Variants in HSD17B4 observed in about 807,000 individuals in gnomAD.
HSD17B4 encodes hydroxysteroid 17-beta dehydrogenase 4.
HSD17B4 carries 70 observed loss-of-function variants against 101.0 expected under a neutral mutation model. The ratio of observed to expected loss-of-function variants is 0.69; its 90% confidence interval spans 0.57 to 0.85. The LOEUF is 0.85. HSD17B4 is among the 40% of genes least tolerant of loss of function. The pLI, the probability that HSD17B4 is intolerant of heterozygous loss-of-function variation, is 0.00. For synonymous variants in HSD17B4, 347 were observed against 297.1 expected, an observed-to-expected ratio of 1.17 and a Z score of -1.73; for missense variants, 984 against 892.4, an observed-to-expected ratio of 1.10 and a Z score of -1.31.
intron 14 of HSD17B4, among the ~76,000 whole-genome samples, chr5:119,502,649 G>T (rs1362508726): frequency 6.6e-6 from 1 of 151,672 alleles, no homozygotes; most frequent in East Asian, 1.9e-4. Context: ...TTTGAATGTT[G>T]TCTAATTATA....
intron 10 of HSD17B4, 123 bp from the exon 11 acceptor site, chr5:119,493,695 T>G: frequency 1.2e-6 from 1 of 862,126 alleles, no homozygotes; most frequent in Non-Finnish European, 1.9e-6. Flanking sequence ...TAAAACTCTT[T>G]AGGAGTTAGA....
At chr5:119,475,756 T>A in intron 5 of HSD17B4, 29 bp downstream of exon 5, 1 of 1,584,832 alleles carries the variant, frequency 6.3e-7, no homozygotes, top group South Asian at 1.1e-5. Context: ...TTTTTAGTGA[T>A]GTGTGTATAA....
chr5:119,458,651 A>G (rs1324135326), intron 2 of HSD17B4, among the ~76,000 whole-genome samples: 1 of 152,134 alleles, frequency 6.6e-6, no homozygotes, highest in East Asian at 1.9e-4. Context: ...GCTAAGCCAA[A>G]AGTTAGGGGC....
At chr5:119,518,316 C>A (rs561194994) in intron 17 of HSD17B4, among the ~76,000 whole-genome samples, 1 of 151,924 alleles carries the variant, frequency 6.6e-6, no homozygotes, top group South Asian at 2.1e-4. Flanking sequence ...AGCGAGACCA[C>A]GAACCCACCA....
chr5:119,493,573 G>A (rs1750310751), intron 10 of HSD17B4: 1 of 445,748 alleles, frequency 2.2e-6, no homozygotes, highest in Admixed American at 3.4e-5. Context: ...TCTACCTTTA[G>A]TACTGTCTGG....
rs188285801 is a variant in HSD17B4 at position 119,538,635 on chromosome 5, C to T, written c.2121+2085C>T. Among the ~76,000 whole-genome samples, 21 of 152,270 alleles carry T rather than the reference C, an allele frequency of 1.4e-4. No homozygotes were observed. In the East Asian group the frequency reaches 3.5e-3, roughly 25 times the overall value. ...CCCTTGCTCCTTTTTCAGGCTTCAT[C>T]CCATGCCACTTGCCCCATCACCTGT... On this transcript the variant is annotated intron_variant, in intron 23 of 23. Transcript: ENST00000510025.
intron 8 of HSD17B4, 70 bp downstream of exon 8, chr5:119,479,091 T>A (rs1748873962): frequency 8.7e-7 from 1 of 1,154,986 alleles, no homozygotes; most frequent in South Asian, 1.3e-5. Flanking sequence ...TTTACAAAAG[T>A]ATTTAATTTT....
At chr5:119,496,727 C>T (rs1750684688) in intron 12 of HSD17B4, 81 bp downstream of exon 12, 2 of 811,052 alleles carry the variant, frequency 2.5e-6, no homozygotes, top group Non-Finnish European at 2.2e-6. Flanking sequence ...TCTTCCTCCC[C>T]TACTTCTTTC....
At chr5:119,503,544 G>A (rs1751380206) in intron 14 of HSD17B4, among the ~76,000 whole-genome samples, 1 of 152,100 alleles carries the variant, frequency 6.6e-6, no homozygotes, top group Non-Finnish European at 1.5e-5. Flanking sequence ...CACGACTACT[G>A]TTTATAATCT....
chr5:119,469,301 C>CT (rs112466766), intron 2 of HSD17B4, among the ~76,000 whole-genome samples: 1,435 of 138,630 alleles, frequency 0.01, 22 homozygotes, highest in South Asian at 0.051. Context: ...TTCCATGTTT[C>CT]TTTTTTTTTT....
At chr5:119,508,204 T>G (rs1182168906) in intron 15 of HSD17B4, among the ~76,000 whole-genome samples, 5 of 150,912 alleles carry the variant, frequency 3.3e-5, no homozygotes, top group Non-Finnish European at 2.9e-5. Context: ...TTTAGTCTTC[T>G]CACCATTGAA....
intron 14 of HSD17B4, among the ~76,000 whole-genome samples, chr5:119,504,206 T>C (rs1489633344): frequency 6.6e-6 from 1 of 152,156 alleles, no homozygotes; most frequent in Non-Finnish European, 1.5e-5. Flanking sequence ...ATTGATTCCA[T>C]GTCTTTGCTA....
rs1225663896 is a variant in HSD17B4 at position 119,530,860 on chromosome 5, AAAACAAAAAAC to A, written c.1855-402_1855-392del. On this transcript the variant is annotated intron_variant, in intron 21 of 23. Coordinates refer to ENST00000510025, the MANE Select transcript of HSD17B4 (RefSeq NM_000414.4). ...AAGTCTGTCTCAAAAAAAAAAAAAA[AAAACAAAAAAC>A]AAAAAAAACCCAAAACTTAAGTTTT... Among the ~76,000 whole-genome samples the A allele has an allele frequency of 2.0e-4, 26 of 131,894 alleles. No homozygotes were observed. The East Asian group carries it at 5.8e-3, about 30-fold the overall frequency. 86.5% of individuals were successfully genotyped at this position (131,894 alleles called of 152,430 possible).
chr5:119,506,905 T>C lies in HSD17B4; in HGVS notation c.1333+16T>C. 7.7e-7 allele frequency: 1 copy of C among 1,295,182 alleles called. No individual in the cohort carries two copies. Among genetic ancestry groups the C allele is most frequent in the Non-Finnish European group, 1.1e-6 (1 of 892,050 alleles). 80.2% of individuals were successfully genotyped at this position (1,295,182 alleles called of 1,614,324 possible). ...ATTATGGATGGTAATTTATTTACAATTCTTATAATAATATTGTTAGATTGA... is the reference window on the plus strand; with the variant it reads ...ATTATGGATGGTAATTTATTTACAACTCTTATAATAATATTGTTAGATTGA... On this transcript the variant is annotated intron_variant, in intron 15 of 23. Coordinates refer to ENST00000510025, the MANE Select transcript of HSD17B4 (RefSeq NM_000414.4).
chr5:119,524,993 C>A (rs1753447422), intron 17 of HSD17B4, among the ~76,000 whole-genome samples: 3 of 151,922 alleles, frequency 2.0e-5, no homozygotes, highest in African/African-American at 7.3e-5. Context: ...TCTTGGCTTC[C>A]CTTTCTACAT....
Position 119,499,373 on chromosome 5 carries a change from A to G in HSD17B4, c.1029A>G (p.Glu343=), listed in dbSNP as rs1212644115. 3.7e-6 allele frequency: 6 copies of G among 1,613,988 alleles called. No homozygotes were observed. Among genetic ancestry groups the G allele is most frequent in the Admixed American group, 1.7e-5 (1 of 60,018 alleles). Residue 343 remains glutamate, a synonymous_variant, in exon 13 of 24, where the codon GAA becomes GAG. Coordinates refer to ENST00000510025, the MANE Select transcript of HSD17B4 (RefSeq NM_000414.4). ...PPFSYAYTEL[E]AIMYALGVGA... ...TTTCTTATGCTTATACGGAACTGGA[A>G]GCTATTATGTATGCCCTTGGAGTGG... is the stretch of plus-strand genomic sequence containing the variant.
At chr5:119,525,848 A>C (rs1753544321) in intron 18 of HSD17B4, 69 bp from the exon 19 acceptor site, 9 of 896,846 alleles carry the variant, frequency 1.0e-5, no homozygotes, top group Non-Finnish European at 1.7e-5. Flanking sequence ...TAAAGTCCTG[A>C]ATTAACTACA....
intron 16 of HSD17B4, among the ~76,000 whole-genome samples, chr5:119,511,331 G>A (rs987344408): frequency 6.6e-6 from 1 of 152,178 alleles, no homozygotes; most frequent in Non-Finnish European, 1.5e-5. Flanking sequence ...CGTAACAGCA[G>A]GGAGCTAAAG....
Position 119,493,957 on chromosome 5 carries a change from T to G in HSD17B4, c.868+11T>G, listed in dbSNP as rs1750359038. ...CTCAGAGTATCCAAGGTAAAGAGAG[T>G]CCCCGTCACTTAGCCCTGGTTGGGG... On this transcript the variant is annotated intron_variant, in intron 11 of 23. Coordinates refer to ENST00000510025, the MANE Select transcript of HSD17B4 (RefSeq NM_000414.4). 2 of 1,612,470 alleles carry G rather than the reference T, an allele frequency of 1.2e-6. No homozygotes were observed. The highest frequency in any genetic ancestry group is 1.7e-6 in the Non-Finnish European group (2 of 1,179,014).
Sources: allele counts gnomAD v4.1 joint callset (sites outside exome capture counted in the v4.1 genomes callset), GRCh38; gene constraint gnomAD v4.1.1; transcripts MANE v1.5; gene names NCBI Gene and HGNC (gene_info 2026-07-23, HGNC 2026-07-21).